The following KIF7 variants were observed in gnomAD, a reference collection of about 807,000 sequenced individuals.
KIF7 encodes the protein kinesin family member 7, also known as kinesin-like protein KIF7.
KIF7 carries 104 observed loss-of-function variants against 135.7 expected under a neutral mutation model. That is an observed-to-expected ratio of 0.77 (90% CI 0.65 to 0.90). The LOEUF is 0.90. KIF7 is among the 40% of genes least tolerant of loss of function. KIF7 has a pLI of 0.00. For synonymous variants in KIF7, 883 were observed against 809.4 expected (o/e 1.09, Z -1.54); for missense variants, 2,005 against 1,839.1 (o/e 1.09, Z -1.65).
rs764853570 is a variant in KIF7, at chr15:89,631,682, G to A, written c.2924C>T (p.Ser975Phe). ...QALNEDIVRV[S>F]SRLEHLEKEL... is the part of the protein sequence containing the mutation. ...CTTCTCCAGGTGCTCCAGCCGGCTG[G>A]ACACTCGCACGATGTCCTCGTTGAG... Residue 975 changes from serine to phenylalanine, a missense_variant, in exon 15 of 19, where the codon TCC becomes TTC. By Grantham distance (155) the Ser-to-Phe change is radical. Coordinates refer to ENST00000394412, the MANE Select transcript of KIF7 (RefSeq NM_198525.3). 9.6e-6 allele frequency: 15 copies of A among 1,557,272 alleles called. No individual in the cohort carries two copies. The East Asian group carries it at 2.9e-4, about 30-fold the overall frequency.
At chr15:89,625,156 A>C (rs758992384), downstream of KIF7, 1 of 1,613,842 alleles carries the variant, frequency 6.2e-7, no homozygotes, top group Non-Finnish European at 8.5e-7. Context: ...GTCCTTAAGC[A>C]AACCTGAACC....
At chr15:89,629,344 G>GGGGTT in intron 17 of KIF7, 31 bp downstream of exon 17, 1 of 1,544,112 alleles carries the variant, frequency 6.5e-7, no homozygotes, top group South Asian at 1.2e-5. Context: ...GGAGGGGGCC[G>GGGGTT]GGGTTGTGAG....
In KIF7 at chr15:89,633,750, C is replaced by T. The variant is rs370901791; in HGVS notation, c.2528G>A (p.Arg843His). 4.9e-5 allele frequency: 79 copies of T among 1,609,666 alleles called. No individual in the cohort carries two copies. Among genetic ancestry groups the T allele is most frequent in the Non-Finnish European group, 6.1e-5 (72 of 1,179,912 alleles). The part of the protein sequence containing the change: ...QQQGQLQRRL[R>H]EETEQKRRLE... The stretch of plus-strand genomic sequence containing the variant: ...GCGCCGCTTCTGCTCCGTCTCCTCG[C>T]GAAGCCGCCTCTGCAGCTGTCCCTG... The change falls in exon 12 of 19, where the codon CGC becomes CAC. Residue 843 changes from arginine (R) to histidine (H), a missense_variant. Arg to His is a conservative substitution (Grantham distance 29, BLOSUM62 0). Transcript: ENST00000394412.
chr15:89,658,589 G>A (rs569593767), upstream of KIF7, among the ~76,000 whole-genome samples: 4 of 151,076 alleles, frequency 2.6e-5, no homozygotes, highest in South Asian at 2.1e-4. Context: ...TGGGCCAGGC[G>A]CAGTGGCACA....
rs186969052 is a variant in KIF7, at chr15:89,650,404, T to A, written c.329-463A>T. Among the ~76,000 whole-genome samples the A allele has an allele frequency of 2.0e-5, 3 of 152,314 alleles. 1 individual carries two copies. In the East Asian group the frequency reaches 5.8e-4, roughly 29 times the overall value. ...AGGAGATCTGGCCAAATCAACTTTTTTTTTTTGAGACTGAGTTTTGCTCTC... is the reference window on the plus strand; with the variant it reads ...AGGAGATCTGGCCAAATCAACTTTTATTTTTTGAGACTGAGTTTTGCTCTC... On this transcript the variant is annotated intron_variant, in intron 2 of 18. Transcript: ENST00000394412.
intron 11 of KIF7, among the ~76,000 whole-genome samples, chr15:89,636,331 T>C (rs1963807026): frequency 2.8e-5 from 4 of 143,950 alleles, no homozygotes; most frequent in African/African-American, 1.0e-4. Flanking sequence ...CATAACAATA[T>C]TAACTTTAAA....
At chr15:89,630,518 G>A in intron 15 of KIF7, 25 bp from the exon 16 acceptor site, 2 of 1,525,886 alleles carry the variant, frequency 1.3e-6, no homozygotes, top group Non-Finnish European at 8.9e-7. Context: ...ACGCGTGGAG[G>A]AACAGCACCC....
intron 1 of KIF7, chr15:89,619,566 C>T (rs1303914657): frequency 1.2e-6 from 1 of 821,322 alleles, no homozygotes; most frequent in Non-Finnish European, 1.9e-6. Flanking sequence ...AGAGACACTT[C>T]AGAAGTCTCT....
chr15:89,620,200 T>C (rs1324476933), intron 1 of KIF7, among the ~76,000 whole-genome samples: 1 of 152,160 alleles, frequency 6.6e-6, no homozygotes, highest in Non-Finnish European at 1.5e-5. Flanking sequence ...TGCTAATAGA[T>C]TTGTGTTTCT....
At chr15:89,619,525 G>A (rs575409192) in intron 1 of KIF7, among the ~76,000 whole-genome samples, 1 of 152,180 alleles carries the variant, frequency 6.6e-6, no homozygotes, top group South Asian at 2.1e-4. Context: ...ACCTTGTTGG[G>A]ACCATGTATC....
At position 89,628,493 on chromosome 15, in the gene KIF7, G is replaced by C; in HGVS notation, c.3958C>G (p.Pro1320Ala). 1 of 1,612,582 alleles carries C rather than the reference G, an allele frequency of 6.2e-7. No individual in the cohort carries two copies. The highest frequency in any genetic ancestry group is 8.5e-7 in the Non-Finnish European group (1 of 1,179,672). ...AGTTCCCGCCGGGGCTTGGACAAAGGCCCAAAGTTCCAGGGCAGGCCTGCC... is the reference window on the plus strand; with the variant it reads ...AGTTCCCGCCGGGGCTTGGACAAAGCCCCAAAGTTCCAGGGCAGGCCTGCC... ...GEAGLPWNFG[P>A]LSKPRRELRR... The change falls in exon 19 of 19, where the codon CCT (proline) becomes GCT (alanine). Residue 1320 changes from proline to alanine, a missense_variant. By Grantham distance (27) the Pro-to-Ala change is conservative. Coordinates refer to ENST00000394412, the MANE Select transcript of KIF7 (RefSeq NM_198525.3).
At chr15:89,624,940 C>T (rs144798110), downstream of KIF7, 2,502 of 1,614,138 alleles carry the variant, frequency 1.6e-3, 3 homozygotes, top group Non-Finnish European at 1.8e-3. Flanking sequence ...AGACAACCTG[C>T]CAGCATCAGC....
At position 89,629,188 on chromosome 15, in the gene KIF7, GGGGTGGGGGCTGTGGGCT is replaced by G. The variant is rs1222136199; in HGVS notation, c.3518-84_3518-67del. ...GGCGGGGCAGGCGGCCAGGGCTGTGGGGGTGGGGGCTGTGGGCTGGGTGGGGGCCGGGGTTGTGAGCGG... is the reference window on the plus strand; with the variant it reads ...GGCGGGGCAGGCGGCCAGGGCTGTGGGGGTGGGGGCCGGGGTTGTGAGCGG... On this transcript the variant is annotated intron_variant, in intron 17 of 18. Coordinates refer to ENST00000394412, the MANE Select transcript of KIF7 (RefSeq NM_198525.3). 53 of 1,452,684 alleles carry G rather than the reference GGGGTGGGGGCTGTGGGCT, an allele frequency of 3.6e-5. 1 individual carries two copies. The highest frequency in any genetic ancestry group is 4.0e-5 in the Non-Finnish European group (43 of 1,065,996). 90.0% of individuals were successfully genotyped at this position (1,452,684 alleles called of 1,614,324 possible). A position where few individuals can be genotyped will look rare whatever the true frequency, so the allele number is the denominator to read the frequency against.
chr15:89,625,944 C>A (rs1352173660), downstream of KIF7: 1 of 1,574,972 alleles, frequency 6.3e-7, no homozygotes, highest in South Asian at 1.2e-5. Context: ...AGGCTCCACC[C>A]CACCTCCCAG....
chr15:89,645,824 A>G (rs1964002096), intron 8 of KIF7, 69 bp downstream of exon 8: 2 of 1,573,730 alleles, frequency 1.3e-6, no homozygotes, highest in African/African-American at 2.7e-5. Context: ...AGACGGTGCG[A>G]TCCCCAGCCT....
chr15:89,631,424 A>C (rs1963672422), intron 15 of KIF7, 71 bp downstream of exon 15: 1 of 1,364,000 alleles, frequency 7.3e-7, no homozygotes. Context: ...GGGCTGGAGC[A>C]AGGGCTGAGG....
intron 1 of KIF7, chr15:89,618,196 C>T (rs1283068507): frequency 6.2e-7 from 1 of 1,614,108 alleles, no homozygotes; most frequent in Non-Finnish European, 8.5e-7. Flanking sequence ...GAAGAGTCCC[C>T]TGAAAAAGGA....
intron 8 of KIF7, 52 bp downstream of exon 8, chr15:89,645,840 GC>G: frequency 1.9e-6 from 3 of 1,598,226 alleles, no homozygotes; most frequent in Non-Finnish European, 2.6e-6. Context: ...AGCCTGCCTA[GC>G]CCTGGGCCCT....
downstream of KIF7, chr15:89,627,739 C>G (rs1017469220): frequency 5.2e-5 from 8 of 152,900 alleles, no homozygotes; most frequent in African/African-American, 1.9e-4. Context: ...CACCCATTGC[C>G]CACTCCTGGG....
Sources: allele counts gnomAD v4.1 joint callset (sites outside exome capture counted in the v4.1 genomes callset), GRCh38; gene constraint gnomAD v4.1.1; transcripts MANE v1.5; gene names NCBI Gene and HGNC (gene_info 2026-07-23, HGNC 2026-07-21).